The following SPON1 variants were observed in gnomAD, a reference collection of about 807,000 sequenced individuals.
SPON1 encodes the protein spondin 1, also known as spondin-1.
Under a neutral mutation model 111.7 loss-of-function variants are expected in SPON1, and 52 were observed. That is an observed-to-expected ratio of 0.47 (90% confidence interval 0.37 to 0.59). The LOEUF (loss-of-function observed/expected upper bound fraction) is 0.59. Ranked by LOEUF, SPON1 falls within the 20% of genes least tolerant of loss-of-function variation. The pLI, the probability that SPON1 is intolerant of heterozygous loss-of-function variation, is 0.00. For missense variants in SPON1, 957 were observed against 1,068.5 expected (o/e 0.90, Z 1.46); for synonymous variants, 410 against 395.8 (o/e 1.04, Z -0.43).
At chr11:14,050,102 A>G (rs916881467) in intron 3 of SPON1, among the ~76,000 whole-genome samples, 1 of 152,186 alleles carries the variant, frequency 6.6e-6, no homozygotes, top group African/African-American at 2.4e-5. Flanking sequence ...CTAGTGAAAT[A>G]ACCTATTCCC....
intron 14 of SPON1, among the ~76,000 whole-genome samples, chr11:14,261,608 CT>C (rs1554941914): frequency 6.6e-6 from 1 of 152,192 alleles, no homozygotes; most frequent in African/African-American, 2.4e-5. Context: ...GCTCCAGCTC[CT>C]GGGTTGTTTT....
intron 5 of SPON1, among the ~76,000 whole-genome samples, chr11:14,117,971 C>G (rs1027835270): frequency 6.6e-6 from 1 of 152,270 alleles, no homozygotes; most frequent in Middle Eastern, 3.4e-3. Context: ...CAGTAATTCC[C>G]ATTTCTCACT....
intron 4 of SPON1, among the ~76,000 whole-genome samples, chr11:14,079,695 T>A (rs921684834): frequency 2.3e-4 from 35 of 151,946 alleles, no homozygotes; most frequent in Admixed American, 1.4e-3. Context: ...AAAGCTCTCT[T>A]TTTTTTTTTC....
intron 6 of SPON1, among the ~76,000 whole-genome samples, chr11:14,165,961 A>G (rs1259852813): frequency 1.3e-5 from 2 of 152,190 alleles, no homozygotes; most frequent in African/African-American, 4.8e-5. Context: ...TGTATCCTCA[A>G]ATACCTATGA....
In SPON1 at chr11:14,141,268, T is replaced by C. The variant is rs555100100; in HGVS notation, c.825+5700T>C. 2.6e-5 allele frequency among the ~76,000 whole-genome samples: 4 copies of C among 152,334 alleles called. No homozygotes were observed. In the South Asian group the frequency reaches 8.3e-4, roughly 32 times the overall value. On this transcript the variant is annotated intron_variant, in intron 6 of 15. Transcript: ENST00000576479. Reference sequence around the variant, plus strand: ...TTTTGTTATATTTGTCCAGCATTTCTATCTGTTTGTAGAAGGAGAGAGAAC... The same window carrying C: ...TTTTGTTATATTTGTCCAGCATTTCCATCTGTTTGTAGAAGGAGAGAGAAC...
chr11:14,034,712 C>T (rs1195869834), intron 2 of SPON1, among the ~76,000 whole-genome samples: 4 of 152,194 alleles, frequency 2.6e-5, no homozygotes, highest in African/African-American at 9.7e-5. Flanking sequence ...ACTTTGGCTT[C>T]AGACAACCCT....
In SPON1 at chr11:14,243,371, T is replaced by C; in HGVS notation, c.865T>C (p.Trp289Arg). ...CACCGTCATCAAAGCCAAAGCCCAATGGCCAGCCTGGCAGCCTCTCAACGT... is the reference window on the plus strand; with the variant it reads ...CACCGTCATCAAAGCCAAAGCCCAACGGCCAGCCTGGCAGCCTCTCAACGT... ...VLTVIKAKAQ[W>R]PAWQPLNVRA... The change falls in exon 7 of 16, where the codon TGG becomes CGG. Residue 289 changes from tryptophan to arginine, a missense_variant. Transcript: ENST00000576479. 1 of 1,578,700 alleles carries C rather than the reference T, an allele frequency of 6.3e-7. No individual in the cohort carries two copies.
At chr11:13,976,460 A>G (rs890390154) in intron 1 of SPON1, among the ~76,000 whole-genome samples, 5 of 152,188 alleles carry the variant, frequency 3.3e-5, no homozygotes, top group Admixed American at 6.5e-5. Context: ...TATACTGTGT[A>G]ACAACATCAT....
At chr11:14,203,895 C>T (rs1848489160) in intron 6 of SPON1, among the ~76,000 whole-genome samples, 2 of 152,204 alleles carry the variant, frequency 1.3e-5, no homozygotes, top group South Asian at 4.1e-4. Context: ...ACATACAGAA[C>T]TTGTCTTCTC....
intron 2 of SPON1, among the ~76,000 whole-genome samples, chr11:14,026,256 C>T (rs1330634364): frequency 6.6e-6 from 1 of 152,204 alleles, no homozygotes; most frequent in Non-Finnish European, 1.5e-5. Context: ...TGCTCAGTAC[C>T]CACCAGCTGA....
chr11:14,151,480 A>G (rs1490605020), intron 6 of SPON1, among the ~76,000 whole-genome samples: 1 of 152,192 alleles, frequency 6.6e-6, no homozygotes, highest in Admixed American at 6.5e-5. Flanking sequence ...AGACCAACGT[A>G]TTTGTTCATT....
chr11:14,063,172 T>C (rs868948792), intron 3 of SPON1, among the ~76,000 whole-genome samples: 33 of 152,226 alleles, frequency 2.2e-4, no homozygotes, highest in African/African-American at 7.7e-4. Context: ...TTTTTACTTA[T>C]GTATTGGGTT....
chr11:14,152,428 T>A (rs1420662409), intron 6 of SPON1, among the ~76,000 whole-genome samples: 1 of 152,250 alleles, frequency 6.6e-6, no homozygotes, highest in African/African-American at 2.4e-5. Flanking sequence ...CCAATGCTCT[T>A]CTAAAGGGCA....
chr11:14,152,778 G>T (rs1847803255), intron 6 of SPON1, among the ~76,000 whole-genome samples: 1 of 152,144 alleles, frequency 6.6e-6, no homozygotes, highest in Non-Finnish European at 1.5e-5. Flanking sequence ...AAGAATCAAT[G>T]CAAATATAAA....
At position 14,045,334 on chromosome 11, in the gene SPON1, C is replaced by T. The variant is rs569286900; in HGVS notation, c.479+3680C>T. ...CTTGTAATCCCAGCACTTTGGGAGGCCGAGCCGAGAGGGGGGCAGATCGCC... is the reference window on the plus strand; with the variant it reads ...CTTGTAATCCCAGCACTTTGGGAGGTCGAGCCGAGAGGGGGGCAGATCGCC... On this transcript the variant is annotated intron_variant, in intron 3 of 15. Coordinates refer to ENST00000576479, the MANE Select transcript of SPON1 (RefSeq NM_006108.4). Among the ~76,000 whole-genome samples the T allele has an allele frequency of 2.0e-5, 3 of 152,114 alleles. No individual in the cohort carries two copies. The South Asian group carries it at 6.2e-4, about 32-fold the overall frequency.
At position 14,265,533 on chromosome 11, in the gene SPON1, T is replaced by G; in HGVS notation, c.2270T>G (p.Met757Arg). 6.2e-7 allele frequency: 1 copy of G among 1,613,114 alleles called. No individual in the cohort carries two copies. Among genetic ancestry groups the G allele is most frequent in the Non-Finnish European group, 8.5e-7 (1 of 1,179,574 alleles). ...SEGEQFPGCR[M>R]RPWTAWSECT... ...ATTCTCATGCTTTCAGGTTGTAGGA[T>G]GCGCCCATGGACGGCCTGGTCAGAA... Residue 757 changes from methionine (M) to arginine (R), a missense_variant, in exon 16 of 16, where the codon ATG (methionine) becomes AGG (arginine). Physicochemically the swap from Met to Arg is moderately conservative, Grantham distance 91 (BLOSUM62 -1). Transcript: ENST00000576479.
chr11:14,102,196 C>T (rs1309586692), intron 5 of SPON1, among the ~76,000 whole-genome samples: 2 of 151,994 alleles, frequency 1.3e-5, no homozygotes, highest in African/African-American at 4.8e-5. Context: ...ACTCATTATA[C>T]CTCTCATGTT....
intron 6 of SPON1, among the ~76,000 whole-genome samples, chr11:14,229,552 G>A (rs1484365469): frequency 6.6e-6 from 1 of 152,118 alleles, no homozygotes; most frequent in African/African-American, 2.4e-5. Flanking sequence ...CTATTCACCT[G>A]GCCCTGACTG....
At chr11:14,265,347 A>AT (rs1471433013) in intron 15 of SPON1, among the ~76,000 whole-genome samples, 177 bp from the exon 16 acceptor site, 6 of 151,772 alleles carry the variant, frequency 4.0e-5, no homozygotes, top group East Asian at 3.9e-4. Flanking sequence ...ATTTGTGGCC[A>AT]TTTTTTTGCA....
Sources: allele counts gnomAD v4.1 joint callset (sites outside exome capture counted in the v4.1 genomes callset), GRCh38; gene constraint gnomAD v4.1.1; transcripts MANE v1.5; gene names NCBI Gene and HGNC (gene_info 2026-07-23, HGNC 2026-07-21).